The following CLEC12A variants were observed in gnomAD, a reference collection of about 807,000 sequenced individuals.
CLEC12A encodes the protein C-type lectin domain family 12 member A, also known as C-type lectin protein CLL-1.
Under a neutral mutation model 26.5 loss-of-function variants are expected in CLEC12A, and 22 were observed. The ratio of observed to expected loss-of-function variants is 0.83; its 90% CI spans 0.59 to 1.19. The LOEUF is 1.19. Among genes scored for constraint, CLEC12A ranks in the 50% most tolerant of loss-of-function variants. CLEC12A has a pLI of 0.00. For missense variants in CLEC12A, 353 were observed against 315.6 expected (o/e 1.12, Z -0.90); for synonymous variants, 119 against 101.9 (o/e 1.17, Z -1.01).
intron 3 of CLEC12A, 33 bp downstream of exon 3, chr12:9,979,557 G>A (rs1442857062): frequency 6.8e-7 from 1 of 1,481,204 alleles, no homozygotes; most frequent in Non-Finnish European, 9.3e-7. Flanking sequence ...TTATTTATTG[G>A]ACAATAAACT....
intron 1 of CLEC12A, among the ~76,000 whole-genome samples, chr12:9,977,234 C>A (rs531021053): frequency 6.6e-6 from 1 of 152,266 alleles, no homozygotes; most frequent in African/African-American, 2.4e-5. Flanking sequence ...CATGGGTCAT[C>A]AAATTCCCTA....
downstream of CLEC12A, chr12:9,999,369 C>CT (rs141897222): frequency 0.035 from 10,260 of 293,532 alleles, 223 homozygotes; most frequent in African/African-American, 0.077. Flanking sequence ...TTGCTTCCTG[C>CT]TTTTTTTTTA....
chr12:9,987,492 G>A (rs148631613), downstream of CLEC12A, among the ~76,000 whole-genome samples: 14 of 152,214 alleles, frequency 9.2e-5, no homozygotes, highest in East Asian at 1.2e-3. Context: ...CCTGACTAGC[G>A]CTCTAGCTTC....
At chr12:9,959,395 T>A (rs932900405) in intron 1 of CLEC12A, among the ~76,000 whole-genome samples, 1 of 149,144 alleles carries the variant, frequency 6.7e-6, no homozygotes. Flanking sequence ...GAGGTTGCAG[T>A]GAGTAGAGAT....
At chr12:9,978,131 G>A (rs1864409624) in intron 1 of CLEC12A, among the ~76,000 whole-genome samples, 1 of 152,068 alleles carries the variant, frequency 6.6e-6, no homozygotes, top group African/African-American at 2.4e-5. Flanking sequence ...TAGCTCAGAA[G>A]TATAGTGAGA....
chr12:9,988,743 G>C (rs1864826650), downstream of CLEC12A, among the ~76,000 whole-genome samples: 1 of 152,184 alleles, frequency 6.6e-6, no homozygotes, highest in African/African-American at 2.4e-5. Context: ...TGGAGAAATA[G>C]GAACACTTTT....
the CLEC12A span, among the ~76,000 whole-genome samples, chr12:10,004,376 G>A: frequency 6.6e-6 from 1 of 152,206 alleles, no homozygotes; most frequent in Admixed American, 6.5e-5. Context: ...GTTTTACTGA[G>A]TTGTGGAAGT....
intron 1 of CLEC12A, among the ~76,000 whole-genome samples, chr12:9,978,005 G>A (rs1196658911): frequency 6.6e-6 from 1 of 152,030 alleles, no homozygotes; most frequent in East Asian, 1.9e-4. Flanking sequence ...TGAACATGTA[G>A]TTCTTTCAGT....
intron 4 of CLEC12A, among the ~76,000 whole-genome samples, chr12:9,990,691 G>A (rs1251268401): frequency 2.6e-5 from 4 of 152,224 alleles, no homozygotes. Context: ...CAGGATTTGA[G>A]AGGACTGACT....
At chr12:9,969,478 T>C (rs2137130530), upstream of CLEC12A, among the ~76,000 whole-genome samples, 1 of 152,348 alleles carries the variant, frequency 6.6e-6, no homozygotes, top group East Asian at 1.9e-4. Context: ...ATAAATGTTT[T>C]AGCTGGCTCT....
At chr12:9,975,071 G>A (rs1298507723) in intron 1 of CLEC12A, among the ~76,000 whole-genome samples, 1 of 152,144 alleles carries the variant, frequency 6.6e-6, no homozygotes, top group Non-Finnish European at 1.5e-5. Flanking sequence ...TGAGTGTGAG[G>A]CCTCTCCAGC....
At position 9,952,149 on chromosome 12, in the gene CLEC12A, C is replaced by G. The variant is rs1322068237; in HGVS notation, c.10+793C>G. 8.2e-5 allele frequency: 9 copies of G among 110,308 alleles called. 1 individual carries two copies. Among genetic ancestry groups the G allele is most frequent in the Non-Finnish European group, 1.8e-4 (9 of 50,990 alleles). The allele number at this position is 110,308 out of a possible 1,614,324, so 6.8% of individuals were successfully genotyped here. On this transcript the variant is annotated intron_variant, in intron 1 of 6. Coordinates refer to the CLEC12A transcript ENST00000355690. ...TCTCCCTCTCCCTCTCCCTCTCCGT[C>G]TCCCTCTCCCTCTCCCTCTCCGTCT...
At chr12:9,954,426 T>C (rs1262087695) in intron 1 of CLEC12A, among the ~76,000 whole-genome samples, 2 of 151,824 alleles carry the variant, frequency 1.3e-5, no homozygotes, top group African/African-American at 4.8e-5. Context: ...GCCTGGGAGG[T>C]TGAGGCTGCA....
chr12:9,983,710 T>G, intron 5 of CLEC12A: 1 of 481,138 alleles, frequency 2.1e-6, no homozygotes, highest in Non-Finnish European at 3.7e-6. Context: ...CATTGGGCCA[T>G]AATGGCAAAT....
chr12:9,951,344 T>C lies in CLEC12A; in HGVS notation c.-3T>C, dbSNP rs113684399. On this transcript the variant is annotated 5_prime_UTR_variant, in exon 1 of 7. Transcript: ENST00000355690. ...AGAACAGCCTTTCAAATTTGACTTC[T>C]GCATGTGGATAGGTGAGTGTCTTTT... 29 of 703,052 alleles carry C rather than the reference T, an allele frequency of 4.1e-5. 1 individual carries two copies. Among genetic ancestry groups the C allele is most frequent in the African/African-American group, 2.1e-4 (12 of 57,400 alleles). The allele number at this position is 703,052 out of a possible 1,614,324, so 43.6% of individuals were successfully genotyped here. A position where few individuals can be genotyped will look rare whatever the true frequency, so the allele number is the denominator to read the frequency against.
intron 1 of CLEC12A, among the ~76,000 whole-genome samples, chr12:9,972,163 C>G (rs1222923009): frequency 2.0e-5 from 3 of 151,496 alleles, no homozygotes. Flanking sequence ...TAAAATTTCT[C>G]CTACTTCTTT....
chr12:9,983,591 C>T lies in CLEC12A; in HGVS notation c.642-1279C>T, dbSNP rs548471932. 12 of 673,818 alleles carry T rather than the reference C, an allele frequency of 1.8e-5. No individual in the cohort carries two copies. In the Admixed American group the frequency reaches 1.8e-4, roughly 10 times the overall value. 41.7% of individuals were successfully genotyped at this position (673,818 alleles called of 1,614,324 possible). On this transcript the variant is annotated intron_variant, in intron 5 of 5. Transcript: ENST00000304361. ...CTGCTGGACACTATTGGAAGTCCAT[C>T]ATTTAACACGTTTTTAGTATATACT... is the stretch of plus-strand genomic sequence containing the variant.
At chr12:9,980,857 G>T in intron 4 of CLEC12A, 124 bp downstream of exon 4, 1 of 940,910 alleles carries the variant, frequency 1.1e-6, no homozygotes. Context: ...CTGAAACTTT[G>T]TACACTTATC....
At chr12:10,002,701 CCAAGTGCTAGGATTA>C in the CLEC12A span, among the ~76,000 whole-genome samples, 14 of 152,226 alleles carry the variant, frequency 9.2e-5, no homozygotes, top group African/African-American at 3.4e-4. Flanking sequence ...CTCGGCCTCC[CCAAGTGCTAGGATTA>C]CAGGCGTGAG....
Sources: allele counts gnomAD v4.1 joint callset (sites outside exome capture counted in the v4.1 genomes callset), GRCh38; gene constraint gnomAD v4.1.1; transcripts MANE v1.5; gene names NCBI Gene and HGNC (gene_info 2026-07-23, HGNC 2026-07-21).